Variants in DNAAF9 observed in about 807,000 individuals in gnomAD.
DNAAF9 encodes shulin.
A neutral mutation model predicts 167.0 loss-of-function variants in DNAAF9; 90 were observed. The observed-to-expected ratio is 0.54, with a 90% CI of 0.45 to 0.64. The LOEUF (loss-of-function observed/expected upper bound fraction) is 0.64. DNAAF9 is among the 30% of genes least tolerant of loss of function. DNAAF9 has a pLI of 0.00. For missense variants in DNAAF9, 1,315 were observed against 1,442.2 expected (o/e 0.91, Z 1.43); for synonymous variants, 491 against 508.8 (o/e 0.96, Z 0.47).
intron 29 of DNAAF9, among the ~76,000 whole-genome samples, chr20:3,274,441 C>G (rs1382247541): frequency 6.6e-6 from 1 of 152,166 alleles, no homozygotes; most frequent in African/African-American, 2.4e-5. Context: ...CTGCGCCTGG[C>G]CTGGACTTAG....
At chr20:3,277,182 C>T (rs1169802201) in intron 29 of DNAAF9, among the ~76,000 whole-genome samples, 1 of 152,198 alleles carries the variant, frequency 6.6e-6, no homozygotes, top group Non-Finnish European at 1.5e-5. Context: ...CTGGCTTCAG[C>T]CCTCACCTCT....
chr20:3,262,179 AT>A (rs1277649879), intron 31 of DNAAF9, among the ~76,000 whole-genome samples: 10 of 151,624 alleles, frequency 6.6e-5, no homozygotes, highest in African/African-American at 2.4e-4. Context: ...CTGAAAGAGA[AT>A]TTTGGGGTCC....
intron 31 of DNAAF9, among the ~76,000 whole-genome samples, chr20:3,262,423 G>C (rs1052430270): frequency 1.3e-5 from 2 of 152,014 alleles, no homozygotes; most frequent in East Asian, 3.9e-4. Flanking sequence ...GCTAACTTTT[G>C]TATTTTTAAT....
At chr20:3,273,334 A>G (rs985658448) in intron 29 of DNAAF9, among the ~76,000 whole-genome samples, 1 of 152,240 alleles carries the variant, frequency 6.6e-6, no homozygotes, top group African/African-American at 2.4e-5. Flanking sequence ...AACTCAGAAC[A>G]TATAGAAAGT....
At chr20:3,309,413 G>A (rs1175195928) in intron 20 of DNAAF9, among the ~76,000 whole-genome samples, 1 of 151,986 alleles carries the variant, frequency 6.6e-6, no homozygotes, top group Non-Finnish European at 1.5e-5. Context: ...ATTTTGTTAT[G>A]GCATCCCAAG....
intron 1 of DNAAF9, 35 bp from the exon 2 acceptor site, chr20:3,382,541 C>G (rs767312726): frequency 1.5e-5 from 23 of 1,545,122 alleles, no homozygotes; most frequent in Non-Finnish European, 1.9e-5. Flanking sequence ...CCCTGAGTGC[C>G]AGGACAGCCC....
At chr20:3,336,351 C>T (rs1316946440) in intron 10 of DNAAF9, among the ~76,000 whole-genome samples, 1 of 140,658 alleles carries the variant, frequency 7.1e-6, no homozygotes, top group African/African-American at 2.6e-5. Context: ...CCTTCTGGTA[C>T]TCCAACAATA....
intron 25 of DNAAF9, among the ~76,000 whole-genome samples, chr20:3,290,563 G>A (rs1279304716): frequency 1.3e-5 from 2 of 152,178 alleles, no homozygotes; most frequent in Non-Finnish European, 2.9e-5. Context: ...CTACCTGCTT[G>A]AGACCACAGA....
intron 29 of DNAAF9, among the ~76,000 whole-genome samples, chr20:3,272,934 T>G (rs1034728579): frequency 5.9e-5 from 9 of 152,244 alleles, no homozygotes; most frequent in Admixed American, 5.2e-4. Context: ...GTGATTCCCC[T>G]GCCTCAGACT....
intron 29 of DNAAF9, among the ~76,000 whole-genome samples, chr20:3,272,081 T>A (rs2122816391): frequency 6.6e-6 from 1 of 152,252 alleles, no homozygotes; most frequent in African/African-American, 2.4e-5. Context: ...GATTTTGAAG[T>A]CAATCCCAGA....
At chr20:3,371,500 C>T (rs958422563) in intron 6 of DNAAF9, among the ~76,000 whole-genome samples, 3 of 151,770 alleles carry the variant, frequency 2.0e-5, no homozygotes, top group Non-Finnish European at 2.9e-5. Context: ...CCTGCCACCA[C>T]GCCCGGCTAA....
intron 27 of DNAAF9, among the ~76,000 whole-genome samples, chr20:3,286,187 T>C (rs2068850651): frequency 6.6e-6 from 1 of 151,966 alleles, no homozygotes; most frequent in Non-Finnish European, 1.5e-5. Context: ...AGCCACAGCA[T>C]TTAGCTAGTA....
chr20:3,354,775 A>AG (rs2083262428), intron 7 of DNAAF9, among the ~76,000 whole-genome samples: 1 of 152,210 alleles, frequency 6.6e-6, no homozygotes, highest in Admixed American at 6.5e-5. Flanking sequence ...TCTGGCTCTC[A>AG]GCCTTTACTC....
At chr20:3,390,612 G>A (rs2083814005) in intron 1 of DNAAF9, among the ~76,000 whole-genome samples, 3 of 152,048 alleles carry the variant, frequency 2.0e-5, no homozygotes, top group African/African-American at 4.8e-5. Context: ...TGATTTGCCC[G>A]CCTTGGCCTC....
chr20:3,260,067 C>T (rs1408048521), intron 31 of DNAAF9, 39 bp from the exon 32 acceptor site: 19 of 1,197,984 alleles, frequency 1.6e-5, no homozygotes, highest in Non-Finnish European at 2.2e-5. Flanking sequence ...AGGCCGGGCG[C>T]GGTGGCTCAC....
intron 2 of DNAAF9, among the ~76,000 whole-genome samples, 160 bp from the exon 3 acceptor site, chr20:3,381,658 AC>A (rs2083656200): frequency 6.6e-6 from 1 of 152,194 alleles, no homozygotes; most frequent in African/African-American, 2.4e-5. Flanking sequence ...TGTGAAAGAA[AC>A]AGGTCTCAGC....
intron 7 of DNAAF9, among the ~76,000 whole-genome samples, chr20:3,355,053 T>G (rs1347933203): frequency 6.6e-6 from 1 of 152,226 alleles, no homozygotes; most frequent in Non-Finnish European, 1.5e-5. Flanking sequence ...GGCCTCTATG[T>G]GTGACCTGCA....
At chr20:3,394,991 G>A (rs1360221177) in intron 1 of DNAAF9, among the ~76,000 whole-genome samples, 7 of 90,290 alleles carry the variant, frequency 7.8e-5, no homozygotes, top group Non-Finnish European at 1.3e-4. Flanking sequence ...TTTTTGAGAC[G>A]GAGTTTCGCT....
intron 7 of DNAAF9, among the ~76,000 whole-genome samples, chr20:3,351,029 A>G (rs1003410540): frequency 1.3e-5 from 2 of 152,222 alleles, no homozygotes; most frequent in Non-Finnish European, 1.5e-5. Flanking sequence ...AAGAGAACCA[A>G]TTAGACATTA....
Sources: gnomAD v4.1 joint callset for allele counts (sites outside exome capture counted in the v4.1 genomes callset) on GRCh38, gnomAD v4.1.1 for gene constraint, MANE v1.5 for transcripts, NCBI Gene and HGNC (gene_info 2026-07-23, HGNC 2026-07-21) for gene names.